Variants in HMGA2 observed in about 807,000 individuals in gnomAD.
HMGA2 encodes high mobility group AT-hook 2, also known as high mobility group protein HMGI-C.
A neutral mutation model predicts 19.1 loss-of-function variants in HMGA2; 8 were observed. The observed-to-expected ratio is 0.42, with a 90% CI of 0.25 to 0.76. The LOEUF (loss-of-function observed/expected upper bound fraction) is 0.76. Among genes scored for constraint, HMGA2 ranks in the 30% least tolerant of loss-of-function variants. HMGA2 has a pLI of 0.28. For synonymous variants in HMGA2, 60 were observed against 48.8 expected (o/e 1.23, Z -0.96); for missense variants, 109 against 136.3 (o/e 0.80, Z 1.00).
intron 3 of HMGA2, chr12:65,860,155 T>C (rs1871979632): frequency 1.4e-5 from 5 of 351,050 alleles, no homozygotes; most frequent in Middle Eastern, 3.8e-4. Flanking sequence ...CTACTGAACA[T>C]CCTAGCTTCG....
At position 65,825,611 on chromosome 12, in the gene HMGA2, A is replaced by C. The variant is rs1411384544; in HGVS notation, c.111+230A>C. Among the ~76,000 whole-genome samples the C allele has an allele frequency of 6.6e-6, 1 of 150,680 alleles. No individual in the cohort carries two copies. Among genetic ancestry groups the C allele is most frequent in the South Asian group, 2.1e-4 (1 of 4,696 alleles). Reference sequence around the variant, plus strand: ...GGAGCCGCGGCGGGCGGCCCGGGGAAGGCGGGAGGTGGGGTCGGGCGAAGC... The same window carrying C: ...GGAGCCGCGGCGGGCGGCCCGGGGACGGCGGGAGGTGGGGTCGGGCGAAGC... On this transcript the variant is annotated intron_variant, in intron 1 of 4. Transcript: ENST00000403681. This position sits in a 1 kb window ranked among gnomAD's most constrained non-coding sequence, Gnocchi z 4.4.
At chr12:65,898,182 C>G (rs773903633) in intron 3 of HMGA2, among the ~76,000 whole-genome samples, 3 of 152,050 alleles carry the variant, frequency 2.0e-5, no homozygotes, top group Non-Finnish European at 4.4e-5. Flanking sequence ...GTTTAACAGC[C>G]CCCAAATCCC....
intron 2 of HMGA2, 126 bp from the exon 3 acceptor site, chr12:65,838,390 AAAC>A: frequency 1.9e-5 from 13 of 700,664 alleles, no homozygotes; most frequent in Non-Finnish European, 2.6e-5. Flanking sequence ...TTGTTAAAAA[AAAC>A]AAAAAAAAAA....
chr12:65,908,376 T>C (rs1192142857), intron 3 of HMGA2, among the ~76,000 whole-genome samples: 1 of 152,228 alleles, frequency 6.6e-6, no homozygotes, highest in Non-Finnish European at 1.5e-5. Context: ...TTCTACTCAG[T>C]GTGATTTCTT....
intron 3 of HMGA2, chr12:65,842,617 G>A: frequency 6.5e-7 from 1 of 1,535,472 alleles, no homozygotes; most frequent in Non-Finnish European, 8.7e-7. Flanking sequence ...CAGCTTAGAA[G>A]CCTTTCTTCC....
intron 3 of HMGA2, among the ~76,000 whole-genome samples, chr12:65,899,383 C>T (rs1426028266): frequency 1.3e-5 from 2 of 152,164 alleles, no homozygotes. Context: ...CCTACTTCTC[C>T]CTGATTCAGT....
intron 4 of HMGA2, chr12:65,955,917 A>G (rs1296997457): frequency 6.6e-6 from 1 of 152,216 alleles, no homozygotes; most frequent in African/African-American, 2.4e-5. Context: ...CAACCTAAAC[A>G]TTGTTTGGAG....
chr12:65,872,883 A>G (rs1396906604), intron 3 of HMGA2, among the ~76,000 whole-genome samples: 1 of 152,162 alleles, frequency 6.6e-6, no homozygotes, highest in African/African-American at 2.4e-5. Context: ...CCTAGTTTCT[A>G]ATCTTGCCTC....
intron 4 of HMGA2, chr12:65,953,983 G>C (rs1876536355): frequency 6.6e-6 from 1 of 152,172 alleles, no homozygotes; most frequent in South Asian, 2.1e-4. Context: ...AATCGCTTTT[G>C]AGGTGGTAAA....
intron 3 of HMGA2, among the ~76,000 whole-genome samples, chr12:65,948,793 C>G (rs991692590): frequency 3.9e-5 from 6 of 152,150 alleles, no homozygotes; most frequent in African/African-American, 1.4e-4. Flanking sequence ...CATTGTCTTT[C>G]CCCTCATTGA....
At chr12:65,860,599 C>T (rs575308743) in intron 3 of HMGA2, among the ~76,000 whole-genome samples, 3 of 152,242 alleles carry the variant, frequency 2.0e-5, no homozygotes, top group East Asian at 1.9e-4. Context: ...ATACAGTAAC[C>T]GCTTAATACA....
intron 3 of HMGA2, among the ~76,000 whole-genome samples, chr12:65,944,985 C>T (rs549132992): frequency 2.1e-4 from 32 of 152,062 alleles, no homozygotes; most frequent in Non-Finnish European, 4.1e-4. Flanking sequence ...CCTCTTGCCT[C>T]AGTCTCCCAA....
intron 2 of HMGA2, 67 bp from the exon 3 acceptor site, chr12:65,838,452 C>A: frequency 8.5e-7 from 1 of 1,171,074 alleles, no homozygotes; most frequent in Non-Finnish European, 1.3e-6. Context: ...TCAAATGTGT[C>A]CCTTGGTGCA....
chr12:65,828,719 G>A lies in HMGA2; in HGVS notation c.198+632G>A, dbSNP rs189484297. On this transcript the variant is annotated intron_variant, in intron 2 of 4. Transcript: ENST00000403681. ...ATCTCAAAATGCCTTTTCATCAAGT[G>A]ACATAGAAATGTCTGAATTGGACAA... is the stretch of plus-strand genomic sequence containing the variant. 638 of 153,578 alleles carry A rather than the reference G, an allele frequency of 4.2e-3. 1 individual carries two copies. The highest frequency in any genetic ancestry group is 7.1e-3 in the Non-Finnish European group (488 of 68,974). The allele number at this position is 153,578 out of a possible 1,614,324, so 9.5% of individuals were successfully genotyped here.
At chr12:65,840,213 G>A (rs968221836) in intron 3 of HMGA2, among the ~76,000 whole-genome samples, 1 of 152,118 alleles carries the variant, frequency 6.6e-6, no homozygotes, top group Admixed American at 6.6e-5. Flanking sequence ...TTGCTGCATA[G>A]TTAACCACTC....
intron 2 of HMGA2, among the ~76,000 whole-genome samples, chr12:65,832,959 G>A (rs1196129804): frequency 2.0e-5 from 3 of 151,932 alleles, no homozygotes; most frequent in Admixed American, 1.3e-4. Flanking sequence ...TGATAACTTT[G>A]CCTGTCATTT....
intron 3 of HMGA2, among the ~76,000 whole-genome samples, chr12:65,912,460 T>C (rs1565730232): frequency 6.6e-6 from 1 of 152,192 alleles, no homozygotes; most frequent in Non-Finnish European, 1.5e-5. Context: ...CTTCTAGACC[T>C]TGCTTCCTGC....
At chr12:65,839,376 G>A (rs1002228642) in intron 3 of HMGA2, among the ~76,000 whole-genome samples, 1 of 152,118 alleles carries the variant, frequency 6.6e-6, no homozygotes, top group Non-Finnish European at 1.5e-5. Flanking sequence ...CAAGAAGGAT[G>A]AGGGCATCCT....
intron 3 of HMGA2, chr12:65,859,175 C>G (rs1025184099): frequency 2.0e-5 from 3 of 152,260 alleles, no homozygotes; most frequent in African/African-American, 7.2e-5. Context: ...GTTCCTGTCC[C>G]ACTACTTTCC....
Sources: gnomAD v4.1 joint callset for allele counts (sites outside exome capture counted in the v4.1 genomes callset) on GRCh38, gnomAD v4.1.1 for gene constraint, Gnocchi (gnomAD v3.1) non-coding constraint, MANE v1.5 for transcripts, NCBI Gene and HGNC (gene_info 2026-07-23, HGNC 2026-07-21) for gene names.